NFIA: variants seen among roughly 807,000 people sequenced by gnomAD.
NFIA encodes nuclear factor 1 A-type.
A neutral mutation model predicts 62.8 loss-of-function variants in NFIA; 8 were observed. That is an observed-to-expected ratio of 0.13 (90% CI 0.07 to 0.23). NFIA has a LOEUF of 0.23. NFIA is among the 10% of genes least tolerant of loss of function. NFIA has a pLI of 1.00. For synonymous variants in NFIA, 235 were observed against 238.1 expected, an observed-to-expected ratio of 0.99 and a Z score of 0.12; for missense variants, 410 against 642.1, an observed-to-expected ratio of 0.64 and a Z score of 3.91.
At chr1:61,216,163 G>A (rs75275863) in intron 2 of NFIA, among the ~76,000 whole-genome samples, 5,167 of 152,228 alleles carry the variant, frequency 0.034, 169 homozygotes, top group Middle Eastern at 0.11. Context: ...GTTGAACATC[G>A]CTGAGTTCAG....
At chr1:61,119,156 A>G (rs1646843974) in intron 2 of NFIA, among the ~76,000 whole-genome samples, 1 of 152,116 alleles carries the variant, frequency 6.6e-6, no homozygotes. Flanking sequence ...GAAATCTTAA[A>G]TATTTGCACG....
intron 10 of NFIA, among the ~76,000 whole-genome samples, chr1:61,447,703 T>C (rs1667874247): frequency 6.6e-6 from 1 of 152,170 alleles, no homozygotes; most frequent in African/African-American, 2.4e-5. Flanking sequence ...TAGAATCTAT[T>C]TTTCATGAAA....
chr1:61,288,702 A>G (rs1482068563), intron 3 of NFIA, among the ~76,000 whole-genome samples: 1 of 152,166 alleles, frequency 6.6e-6, no homozygotes. Context: ...GAGCAAGAGT[A>G]GATTGAGAGA....
intron 10 of NFIA, among the ~76,000 whole-genome samples, chr1:61,433,228 T>TA (rs1242801862): frequency 6.6e-6 from 1 of 152,220 alleles, no homozygotes; most frequent in Non-Finnish European, 1.5e-5. Context: ...GGTCTCCTGT[T>TA]AGTTCATGTC....
rs142264657 is a variant in NFIA, at chr1:61,341,697, C to T, written c.700+9111C>T. ...TTTGTCATGTTGCCCAGGCTCGTCT[C>T]GAACTCCTGGGCTCAAGAGATCTGC... On this transcript the variant is annotated intron_variant, in intron 4 of 10. Coordinates refer to ENST00000403491, the MANE Select transcript of NFIA (RefSeq NM_001134673.4). Among the ~76,000 whole-genome samples, 775 of 152,294 alleles carry T rather than the reference C, an allele frequency of 5.1e-3. 6 individuals carry two copies. Among genetic ancestry groups the T allele is most frequent in the Non-Finnish European group, 8.2e-3 (558 of 68,022 alleles).
At chr1:61,227,434 T>C (rs548470974) in intron 2 of NFIA, among the ~76,000 whole-genome samples, 52 of 152,354 alleles carry the variant, frequency 3.4e-4, no homozygotes, top group African/African-American at 1.2e-3. Context: ...TCTTGAAGAC[T>C]GATTCGTTCT....
chr1:61,188,404 G>T (rs995645784), intron 2 of NFIA, among the ~76,000 whole-genome samples: 1 of 152,160 alleles, frequency 6.6e-6, no homozygotes, highest in Non-Finnish European at 1.5e-5. Flanking sequence ...AAAGAGGTAT[G>T]CTGGGAACCA....
Position 61,400,274 on chromosome 1 carries a change from A to G in NFIA, c.1076-3830A>G, listed in dbSNP as rs1665485091. 2.6e-5 allele frequency among the ~76,000 whole-genome samples: 4 copies of G among 152,344 alleles called. No individual in the cohort carries two copies. The South Asian group carries it at 8.3e-4, about 32-fold the overall frequency. ...CCATTGCAGCCAAAGAAACCTGATC[A>G]AATTTCCTTCCTTCCCATCTTATTT... On this transcript the variant is annotated intron_variant, in intron 7 of 10. Transcript: ENST00000403491.
intron 10 of NFIA, among the ~76,000 whole-genome samples, chr1:61,452,092 G>A (rs960801086): frequency 6.6e-6 from 1 of 152,108 alleles, no homozygotes; most frequent in African/African-American, 2.4e-5. Context: ...CAAGAGAAAA[G>A]TAGGCTTTTA....
At chr1:61,431,219 G>A (rs1667085549) in intron 10 of NFIA, among the ~76,000 whole-genome samples, 2 of 152,134 alleles carry the variant, frequency 1.3e-5, no homozygotes, top group Non-Finnish European at 2.9e-5. Context: ...ATTAAGAGGA[G>A]GCGTTTACTT....
At chr1:61,347,134 C>T (rs1263174199) in intron 4 of NFIA, among the ~76,000 whole-genome samples, 2 of 146,788 alleles carry the variant, frequency 1.4e-5, no homozygotes, top group Non-Finnish European at 3.0e-5. Flanking sequence ...GATCTTATCA[C>T]TTCCCTATTC....
At position 61,334,585 on chromosome 1, in the gene NFIA, A is replaced by C. The variant is rs181442284; in HGVS notation, c.700+1999A>C. Among the ~76,000 whole-genome samples the C allele has an allele frequency of 2.6e-5, 3 of 114,892 alleles. 1 individual carries two copies. The highest frequency in any genetic ancestry group is 5.9e-4 in the South Asian group (2 of 3,384). 75.4% of individuals were successfully genotyped at this position (114,892 alleles called of 152,430 possible). A position where few individuals can be genotyped will look rare whatever the true frequency, so the allele number is the denominator to read the frequency against. ...TATATATATATATATATATATATAT[A>C]TATATATATATATATATATATATAT... On this transcript the variant is annotated intron_variant, in intron 4 of 10. Coordinates refer to ENST00000403491, the MANE Select transcript of NFIA (RefSeq NM_001134673.4).
intron 9 of NFIA, among the ~76,000 whole-genome samples, chr1:61,409,755 T>A (rs1476103907): frequency 6.6e-6 from 1 of 152,174 alleles, no homozygotes; most frequent in East Asian, 1.9e-4. Context: ...GTAAAGCTGA[T>A]GGCATGAAGG....
At chr1:61,155,636 G>A (rs1424676548) in intron 2 of NFIA, among the ~76,000 whole-genome samples, 1 of 131,690 alleles carries the variant, frequency 7.6e-6, no homozygotes, top group Non-Finnish European at 1.5e-5. Context: ...TTGCGCCACT[G>A]CAGTCCGCAG....
chr1:61,285,211 T>A (rs955714482), intron 3 of NFIA, among the ~76,000 whole-genome samples: 3 of 152,094 alleles, frequency 2.0e-5, no homozygotes, highest in Non-Finnish European at 4.4e-5. Flanking sequence ...GACAGAGATA[T>A]CCTTAGAAGG....
At chr1:61,148,177 T>C (rs540879077) in intron 2 of NFIA, among the ~76,000 whole-genome samples, 8 of 152,268 alleles carry the variant, frequency 5.3e-5, no homozygotes, top group Non-Finnish European at 1.2e-4. Context: ...TAGGTACTCA[T>C]TAGCATTTGC....
intron 2 of NFIA, among the ~76,000 whole-genome samples, chr1:61,115,199 T>G (rs985673859): frequency 6.6e-6 from 1 of 152,320 alleles, no homozygotes; most frequent in East Asian, 1.9e-4. Context: ...CAGGCTGATC[T>G]TGAATTCCTG....
intron 2 of NFIA, among the ~76,000 whole-genome samples, chr1:61,189,620 G>A (rs961127602): frequency 5.3e-5 from 8 of 152,050 alleles, no homozygotes; most frequent in Admixed American, 2.0e-4. Flanking sequence ...AGCCGAGATC[G>A]GGCCACTGCA....
At chr1:61,092,176 C>T (rs1002902526) in intron 2 of NFIA, among the ~76,000 whole-genome samples, 8 of 152,134 alleles carry the variant, frequency 5.3e-5, no homozygotes, top group Admixed American at 3.3e-4. Flanking sequence ...AAAGCTAAAT[C>T]ACAGTGAGCC....
Sources: allele counts gnomAD v4.1 joint callset (sites outside exome capture counted in the v4.1 genomes callset), GRCh38; gene constraint gnomAD v4.1.1; transcripts MANE v1.5; gene names NCBI Gene and HGNC (gene_info 2026-07-23, HGNC 2026-07-21).